The following SLC6A5 variants were observed in gnomAD, a reference collection of about 807,000 sequenced individuals.
SLC6A5 encodes the protein solute carrier family 6 member 5.
SLC6A5 carries 58 observed loss-of-function variants against 90.5 expected under a neutral mutation model. The ratio of observed to expected loss-of-function variants is 0.64; its 90% confidence interval spans 0.52 to 0.80. The LOEUF (loss-of-function observed/expected upper bound fraction) is 0.80, where lower values mean the gene tolerates loss of function less well. Among genes scored for constraint, SLC6A5 ranks in the 30% least tolerant of loss-of-function variants. The pLI is 0.00. For missense variants in SLC6A5, 1,015 were observed against 1,017.6 expected (o/e 1.00, Z 0.03); for synonymous variants, 427 against 401.4 (o/e 1.06, Z -0.76).
rs370078201 is a variant in SLC6A5 at position 20,607,142 on chromosome 11, A to T, written c.811+4A>T. 2 of 1,611,052 alleles carry T rather than the reference A, an allele frequency of 1.2e-6. No individual in the cohort carries two copies. Among genetic ancestry groups the T allele is most frequent in the African/African-American group, 1.3e-5 (1 of 74,890 alleles). ...AAGGCCATCCCAGCTCTACAAGGTGAGTCCAGCCTGCCGCTCAGCCTCCTC... is the reference window on the plus strand; with the variant it reads ...AAGGCCATCCCAGCTCTACAAGGTGTGTCCAGCCTGCCGCTCAGCCTCCTC... On this transcript the variant is annotated splice_donor_region_variant and intron_variant, in intron 4 of 15. Transcript: ENST00000525748.
intron 13 of SLC6A5, among the ~76,000 whole-genome samples, chr11:20,641,750 A>C (rs940162202): frequency 2.0e-5 from 3 of 152,104 alleles, no homozygotes; most frequent in African/African-American, 4.8e-5. Flanking sequence ...TGAGTATGTC[A>C]TGTGGGCTTT....
At chr11:20,649,347 C>G (rs568522027) in intron 14 of SLC6A5, among the ~76,000 whole-genome samples, 1 of 152,164 alleles carries the variant, frequency 6.6e-6, no homozygotes, top group African/African-American at 2.4e-5. Context: ...CCCTCCAGCA[C>G]CTTCTTTGGC....
chr11:20,607,696 A>C, intron 5 of SLC6A5, 44 bp downstream of exon 5: 3 of 1,499,924 alleles, frequency 2.0e-6, no homozygotes, highest in Non-Finnish European at 2.8e-6. Context: ...ATTCTAAACT[A>C]TCCATTTATT....
chr11:20,634,443 T>G (rs1271504489), intron 10 of SLC6A5, among the ~76,000 whole-genome samples: 1 of 152,206 alleles, frequency 6.6e-6, no homozygotes, highest in South Asian at 2.1e-4. Context: ...TTGAAATCAC[T>G]TGTTTCCTCT....
chr11:20,616,462 G>C (rs1046952039), intron 6 of SLC6A5, among the ~76,000 whole-genome samples: 2 of 152,190 alleles, frequency 1.3e-5, no homozygotes, highest in African/African-American at 4.8e-5. Flanking sequence ...GGCCAGTCTT[G>C]ATTTCTAAGA....
At chr11:20,626,222 A>T (rs11025662) in intron 7 of SLC6A5, among the ~76,000 whole-genome samples, 3,394 of 152,320 alleles carry the variant, frequency 0.022, 145 homozygotes, top group East Asian at 0.19. Flanking sequence ...GTACAGTTTC[A>T]TTTGAACCTA....
rs138477311 is a variant in SLC6A5, at chr11:20,608,922, G to GTCTC, written c.985+1304_985+1307dup. 9.1e-3 allele frequency among the ~76,000 whole-genome samples: 1,204 copies of GTCTC among 131,620 alleles called. 10 individuals carry two copies. The highest frequency in any genetic ancestry group is 0.026 in the African/African-American group (933 of 35,582). The allele number at this position is 131,620 out of a possible 152,430, so 86.3% of individuals were successfully genotyped here. On this transcript the variant is annotated intron_variant, in intron 5 of 15. Coordinates refer to ENST00000525748, the MANE Select transcript of SLC6A5 (RefSeq NM_004211.5). The stretch of plus-strand genomic sequence containing the variant: ...AGTCTCTCTCTCTGTCTGTCTGTCT[G>GTCTC]TCTCTCTCTCTCTCTCTCTCTCTCT...
At chr11:20,639,636 G>A (rs140491021) in intron 13 of SLC6A5, among the ~76,000 whole-genome samples, 1 of 152,228 alleles carries the variant, frequency 6.6e-6, no homozygotes, top group Non-Finnish European at 1.5e-5. Context: ...TAATGTAATT[G>A]TTAGCCTCCA....
At chr11:20,632,237 A>G (rs7110148) in intron 10 of SLC6A5, among the ~76,000 whole-genome samples, 21,450 of 152,150 alleles carry the variant, frequency 0.14, 1,916 homozygotes, top group Non-Finnish European at 0.2. Context: ...CCCATTTTCT[A>G]GAAGATCTTA....
intron 10 of SLC6A5, among the ~76,000 whole-genome samples, chr11:20,631,501 A>T (rs1352271057): frequency 6.6e-6 from 1 of 152,188 alleles, no homozygotes; most frequent in Non-Finnish European, 1.5e-5. Flanking sequence ...ATTTCACTTA[A>T]TCCATATTAC....
In SLC6A5 at chr11:20,652,390, T is replaced by TTA; in HGVS notation, c.2173_2174insAT (p.Ser725TyrfsTer11). The TTA allele has an allele frequency of 6.2e-7, 1 of 1,614,158 alleles. No homozygotes were observed. Among genetic ancestry groups the TTA allele is most frequent in the East Asian group, 2.2e-5 (1 of 44,876 alleles). On this transcript the variant is annotated frameshift_variant, in exon 15 of 16. Coordinates refer to ENST00000525748, the MANE Select transcript of SLC6A5 (RefSeq NM_004211.5). LOFTEE classifies it high-confidence loss of function. ...TGCTCGGATGGCTAATGCTCGCCTGTTCCGTCATCTGGATCCCAATTATGT... is the reference window on the plus strand; with the variant it reads ...TGCTCGGATGGCTAATGCTCGCCTGTTATCCGTCATCTGGATCCCAATTATGT...
Position 20,659,269 on chromosome 11 carries a change from C to G in SLC6A5, c.*4401C>G, listed in dbSNP as rs993119854. Reference sequence around the variant, plus strand: ...AGTTCACAAAACCCTAAATAAATGTCAGTGTTTAAAACATGATTATAGTAT... The same window carrying G: ...AGTTCACAAAACCCTAAATAAATGTGAGTGTTTAAAACATGATTATAGTAT... On this transcript the variant is annotated 3_prime_UTR_variant, in exon 16 of 16. Transcript: ENST00000525748. 6.6e-6 allele frequency: 1 copy of G among 151,946 alleles called. No homozygotes were observed. Among genetic ancestry groups the G allele is most frequent in the Admixed American group, 6.6e-5 (1 of 15,240 alleles). The allele number at this position is 151,946 out of a possible 1,614,324, so 9.4% of individuals were successfully genotyped here. A position where few individuals can be genotyped will look rare whatever the true frequency, so the allele number is the denominator to read the frequency against.
chr11:20,630,960 AGGCAGGCTCAAG>A, intron 10 of SLC6A5, 145 bp downstream of exon 10: 1 of 885,296 alleles, frequency 1.1e-6, no homozygotes, highest in Non-Finnish European at 1.8e-6. Flanking sequence ...AGAGGGACCA[AGGCAGGCTCAAG>A]TAGGAAGCTC....
chr11:20,645,408 C>G (rs1366935724), intron 13 of SLC6A5, among the ~76,000 whole-genome samples: 2 of 151,832 alleles, frequency 1.3e-5, no homozygotes, highest in Non-Finnish European at 2.9e-5. Flanking sequence ...AGAGGAGCAC[C>G]CAGAGACTGA....
chr11:20,634,206 T>C (rs958949205), intron 10 of SLC6A5, among the ~76,000 whole-genome samples: 2 of 152,148 alleles, frequency 1.3e-5, no homozygotes, highest in Non-Finnish European at 2.9e-5. Flanking sequence ...GAGCCTGTAC[T>C]CCAGCCACTG....
At position 20,605,285 on chromosome 11, in the gene SLC6A5, G is replaced by A. The variant is rs574321987; in HGVS notation, c.679+861G>A. ...TGCACTGCTTCACCCCATAGGTCAGGCAGTTTAAGGGTTTTTGTTCTTTTG... is the reference window on the plus strand; with the variant it reads ...TGCACTGCTTCACCCCATAGGTCAGACAGTTTAAGGGTTTTTGTTCTTTTG... On this transcript the variant is annotated intron_variant, in intron 3 of 15. Coordinates refer to ENST00000525748, the MANE Select transcript of SLC6A5 (RefSeq NM_004211.5). 6.6e-5 allele frequency among the ~76,000 whole-genome samples: 10 copies of A among 152,316 alleles called. No individual in the cohort carries two copies. In the South Asian group the frequency reaches 1.2e-3, roughly 19 times the overall value.
At chr11:20,600,195 C>G (rs1852430765) in intron 1 of SLC6A5, among the ~76,000 whole-genome samples, 1 of 151,952 alleles carries the variant, frequency 6.6e-6, no homozygotes, top group South Asian at 2.1e-4. Flanking sequence ...ATAGAAAAAC[C>G]ACCGCTGGCA....
chr11:20,650,694 T>G, intron 14 of SLC6A5, among the ~76,000 whole-genome samples: 1 of 135,166 alleles, frequency 7.4e-6, no homozygotes. Flanking sequence ...TGAGATGGAG[T>G]CTCGCTCTGT....
At position 20,614,743 on chromosome 11, in the gene SLC6A5, T is replaced by A; in HGVS notation, c.1050T>A (p.Ala350=). 6.2e-7 allele frequency: 1 copy of A among 1,613,922 alleles called. No homozygotes were observed. The highest frequency in any genetic ancestry group is 8.5e-7 in the Non-Finnish European group (1 of 1,179,742). The change falls in exon 6 of 16, where the codon GCT becomes GCA. Residue 350 remains alanine, a synonymous_variant. Coordinates refer to ENST00000525748, the MANE Select transcript of SLC6A5 (RefSeq NM_004211.5). ...QIKNSTFCMT[A]YPNVTMVNFT... is the part of the protein sequence containing the mutation. ...AGAACTCGACTTTCTGCATGACCGC[T>A]TATCCCAACGTGACAATGGTTAATT...
Sources: allele counts gnomAD v4.1 joint callset (sites outside exome capture counted in the v4.1 genomes callset), GRCh38; gene constraint gnomAD v4.1.1; transcripts MANE v1.5; gene names NCBI Gene and HGNC (gene_info 2026-07-23, HGNC 2026-07-21).